Variants in LOC400499 observed in about 807,000 individuals in gnomAD.
At chr16:11,399,377 G>T in the LOC400499 span, 1 of 706,024 alleles carries the variant, frequency 1.4e-6, no homozygotes. Flanking sequence ...GCAAGCACTG[G>T]AACCCAGGAC....
chr16:11,423,754 T>G, the LOC400499 span, among the ~76,000 whole-genome samples: 1 of 152,074 alleles, frequency 6.6e-6, no homozygotes, highest in South Asian at 2.1e-4. Context: ...TTCCCCAGGG[T>G]AGGGGCCCCA....
At chr16:11,449,188 G>A in the LOC400499 span, 1 of 1,235,552 alleles carries the variant, frequency 8.1e-7, no homozygotes, top group East Asian at 2.7e-5. Context: ...TCTCTTTCCT[G>A]CTTGGTGAAC....
chr16:11,383,233 T>C, the LOC400499 span, among the ~76,000 whole-genome samples: 1 of 145,238 alleles, frequency 6.9e-6, no homozygotes, highest in East Asian at 1.9e-4. Flanking sequence ...GCCCGGCTAA[T>C]TTTTTTTGTA....
At chr16:11,513,411 A>AAAAAAAG in the LOC400499 span, among the ~76,000 whole-genome samples, 7 of 151,554 alleles carry the variant, frequency 4.6e-5, no homozygotes, top group African/African-American at 1.7e-4. Flanking sequence ...GTCTCCAAAA[A>AAAAAAAG]AAAAAAAATT....
the LOC400499 span, among the ~76,000 whole-genome samples, chr16:11,393,154 A>AT: frequency 7.7e-6 from 1 of 129,318 alleles, no homozygotes; most frequent in African/African-American, 3.2e-5. Flanking sequence ...ACGCCTGGCC[A>AT]CCCCCCCCCC....
At chr16:11,372,077 G>T in the LOC400499 span, 1 of 152,184 alleles carries the variant, frequency 6.6e-6, no homozygotes. Context: ...ATTCCCAAAA[G>T]AAAGTAAAAC....
At chr16:11,520,664 C>CA in the LOC400499 span, among the ~76,000 whole-genome samples, 3,855 of 63,124 alleles carry the variant, frequency 0.061, 234 homozygotes, top group Middle Eastern at 0.088. Flanking sequence ...GAGACTCCAT[C>CA]AAAAAAAAAA....
At chr16:11,483,848 T>A in the LOC400499 span, among the ~76,000 whole-genome samples, 4 of 152,016 alleles carry the variant, frequency 2.6e-5, no homozygotes, top group East Asian at 7.8e-4. Flanking sequence ...GCACTCCAGC[T>A]TGGGTGACAG....
chr16:11,500,375 G>T, the LOC400499 span, among the ~76,000 whole-genome samples: 1 of 152,142 alleles, frequency 6.6e-6, no homozygotes, highest in African/African-American at 2.4e-5. Context: ...GCCAGGTGGG[G>T]TGGTGCATTC....
chr16:11,441,199 C>G, the LOC400499 span: 2 of 397,262 alleles, frequency 5.0e-6, no homozygotes, highest in South Asian at 2.9e-4. Flanking sequence ...GGTTATGGAG[C>G]AGTCTACACT....
At chr16:11,472,922 G>A in the LOC400499 span, 3 of 152,130 alleles carry the variant, frequency 2.0e-5, no homozygotes, top group South Asian at 4.1e-4. Flanking sequence ...GAGGTCAAGA[G>A]TACAAGACTA....
the LOC400499 span, among the ~76,000 whole-genome samples, chr16:11,495,491 C>T: frequency 5.3e-5 from 8 of 152,042 alleles, no homozygotes; most frequent in Non-Finnish European, 1.0e-4. Context: ...TGTGATTCCC[C>T]TGCCTCAGCC....
the LOC400499 span, chr16:11,393,526 G>T: frequency 2.4e-6 from 3 of 1,232,324 alleles, no homozygotes; most frequent in African/African-American, 4.7e-5. Flanking sequence ...ACACGGCCCA[G>T]TAGGCCAACC....
At chr16:11,390,636 A>G in the LOC400499 span, among the ~76,000 whole-genome samples, 1 of 152,214 alleles carries the variant, frequency 6.6e-6, no homozygotes, top group Non-Finnish European at 1.5e-5. Context: ...GAGTTGTCAC[A>G]GCAGGCCTGA....
the LOC400499 span, among the ~76,000 whole-genome samples, chr16:11,487,064 G>C: frequency 1.3e-5 from 2 of 152,026 alleles, no homozygotes; most frequent in South Asian, 4.1e-4. Flanking sequence ...GGGAGGGAGG[G>C]ATGGAGTGAT....
the LOC400499 span, among the ~76,000 whole-genome samples, chr16:11,372,968 C>A: frequency 6.6e-6 from 1 of 152,250 alleles, no homozygotes; most frequent in Non-Finnish European, 1.5e-5. Flanking sequence ...TAGGCCCAGC[C>A]TGCTGAGTTC....
At chr16:11,491,999 G>C in the LOC400499 span, among the ~76,000 whole-genome samples, 1 of 152,108 alleles carries the variant, frequency 6.6e-6, no homozygotes, top group Non-Finnish European at 1.5e-5. Flanking sequence ...ACTCACCTGT[G>C]GCGCAGCTGT....
chr16:11,470,316 C>T, the LOC400499 span, among the ~76,000 whole-genome samples: 1 of 152,306 alleles, frequency 6.6e-6, no homozygotes, highest in Admixed American at 6.5e-5. Flanking sequence ...TCCAGCACTG[C>T]AGCCAAAACT....
the LOC400499 span, among the ~76,000 whole-genome samples, chr16:11,479,828 C>T: frequency 6.6e-6 from 1 of 152,154 alleles, no homozygotes; most frequent in African/African-American, 2.4e-5. Flanking sequence ...TTTCTGTCCT[C>T]TTTCCGTCCC....
Sources: allele counts gnomAD v4.1 joint callset (sites outside exome capture counted in the v4.1 genomes callset), GRCh38; gene constraint gnomAD v4.1.1; transcripts MANE v1.5.